AP5Z1: variants seen among roughly 807,000 people sequenced by gnomAD.
The protein encoded by AP5Z1 is adaptor related protein complex 5 subunit zeta 1.
In AP5Z1, 106 loss-of-function variants were observed where a neutral mutation model predicts 83.0. That is an observed-to-expected ratio of 1.28 (90% CI 1.09 to 1.50). The LOEUF is 1.50. Among genes scored for constraint, AP5Z1 ranks in the 40% most tolerant of loss-of-function variants. The pLI is 0.00. For synonymous variants in AP5Z1, 751 were observed against 514.1 expected (o/e 1.46, Z -6.23); for missense variants, 1,565 against 1,094.2 (o/e 1.43, Z -6.07).
chr7:4,779,082 G>A (rs1207066172), intron 1 of AP5Z1, among the ~76,000 whole-genome samples: 1 of 139,270 alleles, frequency 7.2e-6, no homozygotes, highest in Non-Finnish European at 1.5e-5. Flanking sequence ...ATTTTTATAT[G>A]TAATATATAT....
rs1429115284 is a variant in AP5Z1, at chr7:4,775,706, C to T, written c.-10C>T. 3.7e-6 allele frequency: 6 copies of T among 1,606,766 alleles called. No individual in the cohort carries two copies. Among genetic ancestry groups the T allele is most frequent in the Non-Finnish European group, 3.4e-6 (4 of 1,179,704 alleles). On this transcript the variant is annotated 5_prime_UTR_variant, in exon 1 of 17. Transcript: ENST00000649063. The stretch of plus-strand genomic sequence containing the variant: ...TCCGAGGTTCGTGCGCGTCTGGTGG[C>T]GGCGGCGTGATGTTCTCGGCAGGAG...
intron 14 of AP5Z1, chr7:4,790,183 G>GGGGTCCTTC (rs1781711769): frequency 6.5e-7 from 1 of 1,538,788 alleles, no homozygotes; most frequent in African/African-American, 1.4e-5. Context: ...CCTCTTCCCC[G>GGGGTCCTTC]TCTTGTCCCC....
At chr7:4,777,681 A>C (rs1420849975) in intron 1 of AP5Z1, among the ~76,000 whole-genome samples, 1 of 151,880 alleles carries the variant, frequency 6.6e-6, no homozygotes, top group African/African-American at 2.4e-5. Flanking sequence ...GAGCCACCAT[A>C]CCCGGCTGAG....
intron 13 of AP5Z1, among the ~76,000 whole-genome samples, chr7:4,789,306 G>A (rs749770826): frequency 6.6e-6 from 1 of 152,176 alleles, no homozygotes; most frequent in Non-Finnish European, 1.5e-5. Flanking sequence ...TCCGTCCCCA[G>A]GACAGGGCAA....
At position 4,784,926 on chromosome 7, in the gene AP5Z1, AG is replaced by A; in HGVS notation, c.812del (p.Gly271AlafsTer6). 6.2e-7 allele frequency: 1 copy of A among 1,611,780 alleles called. No individual in the cohort carries two copies. The highest frequency in any genetic ancestry group is 1.1e-5 in the South Asian group (1 of 90,900). ...TLDTDDRSEQ[E>X]GSTLSVISAT... is the part of the protein sequence containing the mutation. ...CCCGCAGATGACAGGTCAGAGCAGG[AG>A]GGCTCCACTCTGTCGGTGATCTCCG... On this transcript the variant is annotated frameshift_variant, in exon 7 of 17. Coordinates refer to ENST00000649063, the MANE Select transcript of AP5Z1 (RefSeq NM_014855.3). LOFTEE classifies it high-confidence loss of function.
chr7:4,790,415 C>T, intron 14 of AP5Z1, 44 bp from the exon 15 acceptor site: 5 of 1,612,156 alleles, frequency 3.1e-6, no homozygotes, highest in East Asian at 2.2e-5. Flanking sequence ...GGGATGGGGT[C>T]ATAGGTCTGC....
Position 4,790,589 on chromosome 7 carries a change from G to GT in AP5Z1, c.1937dup (p.Val647GlyfsTer116), listed in dbSNP as rs1295089449. ...CAGCAGGGCGAGCCTCGTCACCAGCGTGGTAAGGCGGGCGCTGGCCTCCCA... is the reference window on the plus strand; with the variant it reads ...CAGCAGGGCGAGCCTCGTCACCAGCGTTGGTAAGGCGGGCGCTGGCCTCCCA... On this transcript the variant is annotated frameshift_variant and splice_region_variant, in exon 15 of 17. Coordinates refer to ENST00000649063, the MANE Select transcript of AP5Z1 (RefSeq NM_014855.3). LOFTEE classifies it high-confidence loss of function. 6.2e-7 allele frequency: 1 copy of GT among 1,612,786 alleles called. No individual in the cohort carries two copies. The highest frequency in any genetic ancestry group is 8.5e-7 in the Non-Finnish European group (1 of 1,179,832).
chr7:4,781,524 G>A (rs752209597), intron 2 of AP5Z1, 44 bp from the exon 3 acceptor site: 68 of 1,585,638 alleles, frequency 4.3e-5, no homozygotes, highest in Middle Eastern at 1.7e-4. Context: ...CTCCTGCCAC[G>A]GTCGTGACGT....
chr7:4,791,538 GC>G lies in AP5Z1; in HGVS notation c.*154del. The stretch of plus-strand genomic sequence containing the variant: ...CTTGGCACCCTCACAGACACGCGGG[GC>G]TGGCCCCCCTGCTCACCCTCTGGGC... On this transcript the variant is annotated 3_prime_UTR_variant, in exon 17 of 17. Transcript: ENST00000649063. The G allele has an allele frequency of 8.5e-7, 1 of 1,171,188 alleles. No individual in the cohort carries two copies. The highest frequency in any genetic ancestry group is 1.2e-6 in the Non-Finnish European group (1 of 849,080). 72.5% of individuals were successfully genotyped at this position (1,171,188 alleles called of 1,614,324 possible).
At chr7:4,789,736 C>T (rs954794797) in intron 13 of AP5Z1, 96 bp from the exon 14 acceptor site, 4 of 903,960 alleles carry the variant, frequency 4.4e-6, no homozygotes, top group East Asian at 5.5e-5. Flanking sequence ...TCTCCAGCCC[C>T]TCACCTGCCC....
At chr7:4,788,055 CTGTGA>C in intron 11 of AP5Z1, 94 bp from the exon 12 acceptor site, 1 of 1,432,264 alleles carries the variant, frequency 7.0e-7, no homozygotes, top group Non-Finnish European at 9.2e-7. Context: ...ACCCGAGGTG[CTGTGA>C]TATTAGGGAC....
At position 4,788,256 on chromosome 7, in the gene AP5Z1, A is replaced by G. The variant is rs201687417; in HGVS notation, c.1557A>G (p.Gln519=). ...ACCCGCAGTTCCAGGGTCTTTTCCA[A>G]TACCTGCTGCGCCCCAAGGCCAGTG... ...FRDPQFQGLF[Q]YLLRPKASGA... The change falls in exon 12 of 17, where the codon CAA becomes CAG. Residue 519 remains glutamine, a synonymous_variant. Coordinates refer to ENST00000649063, the MANE Select transcript of AP5Z1 (RefSeq NM_014855.3). 7.4e-4 allele frequency: 1,173 copies of G among 1,589,082 alleles called. 10 individuals carry two copies. The African/African-American group carries it at 0.011, about 16-fold the overall frequency.
chr7:4,781,116 C>CT (rs1385353117), intron 1 of AP5Z1, 59 bp from the exon 2 acceptor site: 38 of 1,583,442 alleles, frequency 2.4e-5, no homozygotes, highest in East Asian at 6.8e-5. Flanking sequence ...AAGGGTTATC[C>CT]TTTTTTTGGT....
chr7:4,787,917 A>C (rs1438787254), intron 11 of AP5Z1, 141 bp downstream of exon 11: 1 of 1,215,514 alleles, frequency 8.2e-7, no homozygotes, highest in African/African-American at 1.5e-5. Context: ...CTCCCCTGCA[A>C]AGCCACCTCT....
rs1299941368 is a variant in AP5Z1 at position 4,779,753 on chromosome 7, G to GCCT, written c.42-1420_42-1418dup. On this transcript the variant is annotated intron_variant, in intron 1 of 16. Transcript: ENST00000649063. ...CCTCCCGGGTTCAAGTGATTCTCCT[G>GCCT]CCTCAGCCTCCTGAGTAGCTGGGAT... Among the ~76,000 whole-genome samples the GCCT allele has an allele frequency of 6.6e-5, 10 of 152,060 alleles. 1 individual carries two copies. In the East Asian group the frequency reaches 1.9e-3, roughly 29 times the overall value.
At chr7:4,784,683 C>T (rs945683364) in intron 6 of AP5Z1, among the ~76,000 whole-genome samples, 1 of 152,182 alleles carries the variant, frequency 6.6e-6, no homozygotes, top group Non-Finnish European at 1.5e-5. Flanking sequence ...CTGAGCTCCT[C>T]CCGGCTGCTC....
chr7:4,783,241 C>T (rs1781432047), intron 3 of AP5Z1, 75 bp from the exon 4 acceptor site: 1 of 1,489,166 alleles, frequency 6.7e-7, no homozygotes, highest in Non-Finnish European at 9.0e-7. Flanking sequence ...AGGAGTGTCA[C>T]ACAGACTTCC....
At chr7:4,790,276 G>C (rs1163411456) in intron 14 of AP5Z1, 183 bp from the exon 15 acceptor site, 1 of 1,543,996 alleles carries the variant, frequency 6.5e-7, no homozygotes. Context: ...CAGCGCTGGT[G>C]CCAGCCTTCT....
At chr7:4,790,075 C>T in intron 14 of AP5Z1, 146 bp downstream of exon 14, 1 of 1,206,268 alleles carries the variant, frequency 8.3e-7, no homozygotes, top group Non-Finnish European at 1.1e-6. Flanking sequence ...CCCCCACCCA[C>T]AGCCCCACAC....
Sources: gnomAD v4.1 joint callset for allele counts (sites outside exome capture counted in the v4.1 genomes callset) on GRCh38, gnomAD v4.1.1 for gene constraint, MANE v1.5 for transcripts, NCBI Gene and HGNC (gene_info 2026-07-23, HGNC 2026-07-21) for gene names.